Variants in TAX1BP1 observed in about 807,000 individuals in gnomAD.
TAX1BP1 encodes the protein tax1-binding protein 1.
TAX1BP1 carries 62 observed loss-of-function variants against 97.7 expected under a neutral mutation model. That is an observed-to-expected ratio of 0.63 (90% CI 0.52 to 0.78). The LOEUF (loss-of-function observed/expected upper bound fraction) is 0.78, where lower values mean the gene tolerates loss of function less well. Ranked by LOEUF, TAX1BP1 falls within the 30% of genes least tolerant of loss-of-function variation. The pLI is 0.00. For synonymous variants in TAX1BP1, 340 were observed against 304.2 expected (o/e 1.12, Z -1.23); for missense variants, 867 against 916.1 (o/e 0.95, Z 0.69).
intron 14 of TAX1BP1, 136 bp from the exon 15 acceptor site, chr7:27,816,754 C>G: frequency 8.6e-7 from 1 of 1,158,580 alleles, no homozygotes; most frequent in East Asian, 2.6e-5. Flanking sequence ...TAAAAAATCA[C>G]CTGGGTTAAA....
At chr7:27,757,353 A>G (rs555241165) in intron 2 of TAX1BP1, among the ~76,000 whole-genome samples, 5 of 152,210 alleles carry the variant, frequency 3.3e-5, no homozygotes, top group African/African-American at 1.2e-4. Context: ...CTGTTTGTGC[A>G]TATATAAACA....
In TAX1BP1 at chr7:27,746,712, A is replaced by C. The variant is rs1241128066; in HGVS notation, c.-7-1806A>C. ...CAGAGGTAAAGGGGGATTGCTACTGAATATACTCTTTATCTTGGAATGCTT... is the reference window on the plus strand; with the variant it reads ...CAGAGGTAAAGGGGGATTGCTACTGCATATACTCTTTATCTTGGAATGCTT... On this transcript the variant is annotated intron_variant, in intron 1 of 16. Transcript: ENST00000396319. Among the ~76,000 whole-genome samples the C allele has an allele frequency of 4.6e-5, 6 of 129,142 alleles. No individual in the cohort carries two copies. The East Asian group carries it at 1.7e-3, about 37-fold the overall frequency. The allele number at this position is 129,142 out of a possible 152,430, so 84.7% of individuals were successfully genotyped here.
intron 3 of TAX1BP1, 29 bp downstream of exon 3, chr7:27,758,162 G>T: frequency 6.7e-7 from 1 of 1,490,722 alleles, no homozygotes; most frequent in South Asian, 1.2e-5. Context: ...AGAACTCAAT[G>T]AAACTAGATG....
chr7:27,743,180 G>A (rs184615456), intron 1 of TAX1BP1, among the ~76,000 whole-genome samples: 3 of 152,338 alleles, frequency 2.0e-5, no homozygotes, highest in African/African-American at 7.2e-5. Flanking sequence ...TGGCACTCAG[G>A]TGTAAAGGAT....
chr7:27,796,093 T>C (rs778550222), intron 11 of TAX1BP1, 23 bp from the exon 12 acceptor site: 8 of 1,575,742 alleles, frequency 5.1e-6, no homozygotes, highest in Non-Finnish European at 8.7e-7. Flanking sequence ...TTTTTAACAG[T>C]CTTATATTCT....
At position 27,792,128 on chromosome 7, in the gene TAX1BP1, G is replaced by A. The variant is rs766870308; in HGVS notation, c.1161G>A (p.Thr387=). 5.0e-6 allele frequency: 8 copies of A among 1,613,926 alleles called. No homozygotes were observed. Among genetic ancestry groups the A allele is most frequent in the Middle Eastern group, 1.6e-4 (1 of 6,084 alleles). Residue 387 remains threonine, a synonymous_variant, in exon 9 of 17, where the codon ACG becomes ACA. Coordinates refer to ENST00000396319, the MANE Select transcript of TAX1BP1 (RefSeq NM_006024.7). ...LSDAVNVRDR[T]MADLHTARLE... is the part of the protein sequence containing the mutation. Reference sequence around the variant, plus strand: ...ATGCTGTCAACGTACGAGACAGAACGATGGCAGACCTGCATACTGCACGCT... The same window carrying A: ...ATGCTGTCAACGTACGAGACAGAACAATGGCAGACCTGCATACTGCACGCT...
chr7:27,766,103 G>A, intron 4 of TAX1BP1, 82 bp downstream of exon 4: 2 of 1,411,748 alleles, frequency 1.4e-6, no homozygotes, highest in South Asian at 2.7e-5. Context: ...AGAATTTTAA[G>A]GTTATGTGAG....
Position 27,793,098 on chromosome 7 carries a change from A to G in TAX1BP1, c.1296A>G (p.Arg432=). The G allele has an allele frequency of 6.2e-7, 1 of 1,601,628 alleles. No individual in the cohort carries two copies. Among genetic ancestry groups the G allele is most frequent in the Non-Finnish European group, 8.5e-7 (1 of 1,177,294 alleles). The stretch of plus-strand genomic sequence containing the variant: ...CTGATACACTGGAACACGAACTAAG[A>G]AGAGAAGTTGAAGATCTGAAACTCC... The part of the protein sequence containing the change: ...DKTDTLEHEL[R]REVEDLKLRL... The change falls in exon 10 of 17, where the codon AGA becomes AGG. Residue 432 remains arginine (R), a synonymous_variant. Coordinates refer to ENST00000396319, the MANE Select transcript of TAX1BP1 (RefSeq NM_006024.7).
At chr7:27,808,938 A>G (rs1322598799) in intron 13 of TAX1BP1, among the ~76,000 whole-genome samples, 1 of 152,232 alleles carries the variant, frequency 6.6e-6, no homozygotes, top group Non-Finnish European at 1.5e-5. Flanking sequence ...TTTTGTTTCT[A>G]GAACCCTTTG....
Position 27,816,332 on chromosome 7 carries a change from GT to G in TAX1BP1, c.1765-12del, listed in dbSNP as rs752293375. On this transcript the variant is annotated splice_polypyrimidine_tract_variant and intron_variant, in intron 13 of 16. Transcript: ENST00000396319. ...TTTATTGCTTTGCTTATTCATCTTTGTTTTTGTTAATTTTAGGAACTTAAAA... is the reference window on the plus strand; with the variant it reads ...TTTATTGCTTTGCTTATTCATCTTTGTTTTGTTAATTTTAGGAACTTAAAA... 1.9e-6 allele frequency: 3 copies of G among 1,538,924 alleles called. No individual in the cohort carries two copies. Among genetic ancestry groups the G allele is most frequent in the Non-Finnish European group, 2.6e-6 (3 of 1,152,024 alleles).
intron 7 of TAX1BP1, 25 bp from the exon 8 acceptor site, chr7:27,787,393 T>A (rs1158613527): frequency 6.4e-7 from 1 of 1,562,256 alleles, no homozygotes; most frequent in Admixed American, 1.9e-5. Flanking sequence ...TAGAATATTC[T>A]TGACATTTTC....
At chr7:27,762,799 A>C (rs186161697) in intron 3 of TAX1BP1, among the ~76,000 whole-genome samples, 67 of 152,244 alleles carry the variant, frequency 4.4e-4, no homozygotes, top group African/African-American at 1.4e-3. Context: ...AAATACCCCC[A>C]AAATTAGCCA....
intron 13 of TAX1BP1, among the ~76,000 whole-genome samples, chr7:27,808,488 T>G (rs1049040018): frequency 6.6e-5 from 10 of 152,148 alleles, no homozygotes; most frequent in African/African-American, 1.7e-4. Context: ...ATTTTTTTGG[T>G]GGGTAGGGTG....
chr7:27,804,094 A>C (rs10951180), intron 13 of TAX1BP1, among the ~76,000 whole-genome samples: 24,845 of 152,072 alleles, frequency 0.16, 2,377 homozygotes, highest in African/African-American at 0.27. Context: ...TGTAAGCTTG[A>C]TGCTTTCCAA....
intron 5 of TAX1BP1, among the ~76,000 whole-genome samples, chr7:27,783,598 T>C (rs1294116761): frequency 6.6e-6 from 1 of 152,190 alleles, no homozygotes; most frequent in Non-Finnish European, 1.5e-5. Flanking sequence ...TACATTCAGT[T>C]GCTAGTGATT....
At chr7:27,766,480 A>T (rs1270359558) in intron 4 of TAX1BP1, among the ~76,000 whole-genome samples, 1 of 149,230 alleles carries the variant, frequency 6.7e-6, no homozygotes, top group Non-Finnish European at 1.5e-5. Context: ...ATGCTTTTTA[A>T]CTAAAATAAT....
intron 5 of TAX1BP1, among the ~76,000 whole-genome samples, chr7:27,784,289 T>C (rs1174147016): frequency 6.6e-6 from 1 of 152,196 alleles, no homozygotes; most frequent in South Asian, 2.1e-4. Flanking sequence ...TTTTATAATA[T>C]AGTTTTCTAT....
At chr7:27,827,513 T>C (rs1049190989) in intron 15 of TAX1BP1, among the ~76,000 whole-genome samples, 1 of 152,226 alleles carries the variant, frequency 6.6e-6, no homozygotes, top group Admixed American at 6.5e-5. Context: ...TCTCTATTCC[T>C]CTGAATACTG....
chr7:27,796,991 A>ATTATT (rs1164609151), intron 12 of TAX1BP1, among the ~76,000 whole-genome samples: 1 of 150,656 alleles, frequency 6.6e-6, no homozygotes, highest in Admixed American at 6.6e-5. Context: ...TTTGATTATT[A>ATTATT]TTATTTTATT....
Sources: gnomAD v4.1 joint callset for allele counts (sites outside exome capture counted in the v4.1 genomes callset) on GRCh38, gnomAD v4.1.1 for gene constraint, MANE v1.5 for transcripts, NCBI Gene and HGNC (gene_info 2026-07-23, HGNC 2026-07-21) for gene names.